The following PLPP1 variants were observed in gnomAD, a reference collection of about 807,000 sequenced individuals.
PLPP1 encodes the protein phospholipid phosphatase 1.
A neutral mutation model predicts 31.2 loss-of-function variants in PLPP1; 24 were observed. The observed-to-expected ratio is 0.77, with a 90% CI of 0.56 to 1.08. The LOEUF is 1.08. PLPP1 is among the 50% of genes least tolerant of loss of function. The probability of loss-of-function intolerance (pLI) is 0.00; values close to 1 mark genes in which losing one functional copy is unlikely to be tolerated. For synonymous variants in PLPP1, 146 were observed against 126.3 expected (o/e 1.16, Z -1.05); for missense variants, 319 against 342.7 (o/e 0.93, Z 0.55).
At chr5:55,468,377 G>A (rs1752350095) in intron 2 of PLPP1, 2 of 402,100 alleles carry the variant, frequency 5.0e-6, no homozygotes, top group African/African-American at 2.0e-5. Flanking sequence ...AGCCATGGCT[G>A]GGACAAAATT....
intron 3 of PLPP1, among the ~76,000 whole-genome samples, chr5:55,465,401 G>A (rs1360653481): frequency 1.3e-5 from 2 of 152,104 alleles, no homozygotes; most frequent in African/African-American, 4.8e-5. Context: ...ATTTTTTAAA[G>A]GTTATATGGT....
chr5:55,441,982 TC>T, intron 3 of PLPP1, 74 bp from the exon 4 acceptor site: 3 of 1,440,036 alleles, frequency 2.1e-6, no homozygotes, highest in Non-Finnish European at 2.9e-6. Flanking sequence ...ATAAATCTGC[TC>T]CTTAGTTTCA....
At chr5:55,434,911 T>C (rs1751457784) in intron 4 of PLPP1, among the ~76,000 whole-genome samples, 1 of 152,120 alleles carries the variant, frequency 6.6e-6, no homozygotes, top group Non-Finnish European at 1.5e-5. Flanking sequence ...GGGATTATAT[T>C]AAACTAAAAA....
At chr5:55,487,717 T>C (rs1019371550) in intron 1 of PLPP1, among the ~76,000 whole-genome samples, 31 of 152,202 alleles carry the variant, frequency 2.0e-4, no homozygotes, top group African/African-American at 6.8e-4. Flanking sequence ...ACAGATGTTA[T>C]ACACAAACTA....
At chr5:55,517,740 C>T (rs570641801) in intron 1 of PLPP1, among the ~76,000 whole-genome samples, 119 of 152,332 alleles carry the variant, frequency 7.8e-4, no homozygotes, top group Non-Finnish European at 3.4e-4. Context: ...AAACTCTGGC[C>T]TTCCAAAGCA....
At chr5:55,506,786 T>C (rs2111897965) in intron 1 of PLPP1, among the ~76,000 whole-genome samples, 1 of 152,336 alleles carries the variant, frequency 6.6e-6, no homozygotes, top group South Asian at 2.1e-4. Flanking sequence ...GTTACTTTTG[T>C]GAAGTTTGCT....
intron 3 of PLPP1, among the ~76,000 whole-genome samples, chr5:55,445,042 G>A (rs780174340): frequency 8.5e-5 from 13 of 152,116 alleles, no homozygotes; most frequent in South Asian, 2.1e-4. Context: ...GAGCCACCGC[G>A]CCTAGCCTGG....
chr5:55,530,237 A>G (rs1740613047), intron 1 of PLPP1: 1 of 1,455,814 alleles, frequency 6.9e-7, no homozygotes, highest in Admixed American at 1.7e-5. Flanking sequence ...CAAATTCTCC[A>G]TAATCAAACT....
At chr5:55,499,197 C>T (rs1265722720) in intron 1 of PLPP1, among the ~76,000 whole-genome samples, 2 of 152,204 alleles carry the variant, frequency 1.3e-5, no homozygotes, top group African/African-American at 4.8e-5. Context: ...CCACTAGAAA[C>T]TCTCAGATCT....
intron 3 of PLPP1, among the ~76,000 whole-genome samples, chr5:55,464,962 A>G (rs1246356321): frequency 6.6e-6 from 1 of 152,214 alleles, no homozygotes; most frequent in East Asian, 1.9e-4. Flanking sequence ...AAGCTATTTA[A>G]AAGAGTAGTT....
At chr5:55,440,817 A>AT (rs1270363115) in intron 4 of PLPP1, among the ~76,000 whole-genome samples, 1 of 152,222 alleles carries the variant, frequency 6.6e-6, no homozygotes, top group Non-Finnish European at 1.5e-5. Context: ...AATGTTACAT[A>AT]TTGTGCATTT....
At chr5:55,451,413 C>T (rs1010185670) in intron 3 of PLPP1, among the ~76,000 whole-genome samples, 4 of 152,172 alleles carry the variant, frequency 2.6e-5, no homozygotes, top group Non-Finnish European at 5.9e-5. Context: ...AAAGCCCACA[C>T]AAATGTAAAA....
intron 1 of PLPP1, among the ~76,000 whole-genome samples, chr5:55,501,090 G>A (rs111922583): frequency 0.036 from 5,532 of 152,212 alleles, 168 homozygotes; most frequent in East Asian, 0.11. Context: ...CGAGGCGGGC[G>A]GATCACAACG....
At chr5:55,463,900 C>CT (rs1752226041) in intron 3 of PLPP1, among the ~76,000 whole-genome samples, 1 of 151,318 alleles carries the variant, frequency 6.6e-6, no homozygotes, top group South Asian at 2.1e-4. Flanking sequence ...TAACAAAGGA[C>CT]TTTTATTCAG....
intron 1 of PLPP1, among the ~76,000 whole-genome samples, chr5:55,525,091 T>G (rs980370006): frequency 6.6e-6 from 1 of 152,212 alleles, no homozygotes; most frequent in Non-Finnish European, 1.5e-5. Flanking sequence ...AAACACTAAG[T>G]TTCAAAAGCA....
At chr5:55,504,524 C>CAAAA in intron 1 of PLPP1, among the ~76,000 whole-genome samples, 1 of 54,282 alleles carries the variant, frequency 1.8e-5, no homozygotes, top group Non-Finnish European at 3.2e-5. Context: ...GACTCCATCT[C>CAAAA]AAAAAAAAAA....
intron 3 of PLPP1, among the ~76,000 whole-genome samples, chr5:55,467,077 G>A (rs1752316370): frequency 6.6e-6 from 1 of 151,958 alleles, no homozygotes; most frequent in Non-Finnish European, 1.5e-5. Flanking sequence ...ATGCAGAAAG[G>A]AGCCCAATAA....
chr5:55,532,346 TTA>T (rs975920521), intron 1 of PLPP1, among the ~76,000 whole-genome samples: 44 of 152,302 alleles, frequency 2.9e-4, no homozygotes, highest in African/African-American at 9.9e-4. Context: ...AGAAAAAAAT[TTA>T]TGTTGTTTTA....
At position 55,513,268 on chromosome 5, in the gene PLPP1, C is replaced by CTTTTTTT. The variant is rs71600887; in HGVS notation, c.58+21297_58+21303dup. Among the ~76,000 whole-genome samples the CTTTTTTT allele has an allele frequency of 3.2e-4, 38 of 117,570 alleles. 16 individuals are homozygous for CTTTTTTT. Among genetic ancestry groups the CTTTTTTT allele is most frequent in the Non-Finnish European group, 4.4e-4 (25 of 56,976 alleles). 77.1% of individuals were successfully genotyped at this position (117,570 alleles called of 152,430 possible). ...TATAGTATTACTACTATAATGACTC[C>CTTTTTTT]TTTTTTTTTAAGACAGAGTCTTGCT... On this transcript the variant is annotated intron_variant, in intron 1 of 5. Transcript: ENST00000307259.
Sources: allele counts gnomAD v4.1 joint callset (sites outside exome capture counted in the v4.1 genomes callset), GRCh38; gene constraint gnomAD v4.1.1; transcripts MANE v1.5; gene names NCBI Gene and HGNC (gene_info 2026-07-23, HGNC 2026-07-21).